Variants in LRRTM3 observed in about 807,000 individuals in gnomAD.
LRRTM3 encodes leucine-rich repeat transmembrane neuronal protein 3.
A neutral mutation model predicts 44.7 loss-of-function variants in LRRTM3; 24 were observed. That is an observed-to-expected ratio of 0.54 (90% confidence interval 0.39 to 0.76). The LOEUF is 0.76. Ranked by LOEUF, LRRTM3 falls within the 30% of genes least tolerant of loss-of-function variation. LRRTM3 has a pLI of 0.00. For synonymous variants in LRRTM3, 277 were observed against 278.7 expected (o/e 0.99, Z 0.06); for missense variants, 587 against 702.2 (o/e 0.84, Z 1.85).
chr10:67,028,838 C>A (rs1450617381), intron 2 of LRRTM3, among the ~76,000 whole-genome samples: 1 of 152,032 alleles, frequency 6.6e-6, no homozygotes, highest in Non-Finnish European at 1.5e-5. Context: ...GATAGGAAAT[C>A]CCTGAGTAGA....
Position 66,927,971 on chromosome 10 carries a change from T to C in LRRTM3, c.1055T>C (p.Ile352Thr), listed in dbSNP as rs536371382. The change falls in exon 2 of 3, where the codon ATC (isoleucine) becomes ACC (threonine). Residue 352 changes from isoleucine (I) to threonine (T), a missense_variant. By Grantham distance (89) the Ile-to-Thr change is moderately conservative. This residue lies in a region of LRRTM3 where 315 missense variants were observed against 335.6 expected (regional missense o/e 0.94). Coordinates refer to ENST00000361320, the MANE Select transcript of LRRTM3 (RefSeq NM_178011.5). This position sits in a 1 kb window ranked among gnomAD's most constrained non-coding sequence, Gnocchi z 4.7. ...AAAGAGCTGCAAGGAGTAAATGTGA[T>C]CGATGCAGTGAAGAACTACAGCATC... ...SPKELQGVNV[I>T]DAVKNYSICG... 2 of 1,614,238 alleles carry C rather than the reference T, an allele frequency of 1.2e-6. No individual in the cohort carries two copies. The highest frequency in any genetic ancestry group is 1.7e-6 in the Non-Finnish European group (2 of 1,180,044).
chr10:67,027,927 A>G (rs955007635), intron 2 of LRRTM3, among the ~76,000 whole-genome samples: 1 of 152,276 alleles, frequency 6.6e-6, no homozygotes, highest in African/African-American at 2.4e-5. Context: ...ATATTTGTAT[A>G]GTACTTTTTT....
At chr10:66,996,671 A>AAAAAAAAAAAAAAAAT (rs1851370396) in intron 2 of LRRTM3, among the ~76,000 whole-genome samples, 1 of 148,252 alleles carries the variant, frequency 6.7e-6, no homozygotes, top group South Asian at 2.1e-4. Flanking sequence ...AAAAAAAAAA[A>AAAAAAAAAAAAAAAAT]GCATGTTTGT....
intron 2 of LRRTM3, among the ~76,000 whole-genome samples, chr10:67,049,441 T>A (rs1334959339): frequency 6.6e-6 from 1 of 152,158 alleles, no homozygotes; most frequent in Non-Finnish European, 1.5e-5. Flanking sequence ...AGTATAATTA[T>A]TCTATAATCT....
intron 1 of LRRTM3, 23 bp downstream of exon 1, chr10:66,926,610 T>C (rs1161365839): frequency 1.2e-6 from 2 of 1,613,624 alleles, no homozygotes; most frequent in Non-Finnish European, 1.7e-6. Flanking sequence ...ATTTTTCTTC[T>C]TTCCTTCTTA....
intron 2 of LRRTM3, among the ~76,000 whole-genome samples, chr10:66,932,579 G>A (rs1847464484): frequency 6.6e-6 from 1 of 152,014 alleles, no homozygotes; most frequent in Non-Finnish European, 1.5e-5. Flanking sequence ...AGAGGCAGTT[G>A]GGGGAAACAA....
At chr10:66,955,345 T>C (rs1317213257) in intron 2 of LRRTM3, among the ~76,000 whole-genome samples, 1 of 152,194 alleles carries the variant, frequency 6.6e-6, no homozygotes, top group East Asian at 1.9e-4. Flanking sequence ...GATTACTCAC[T>C]ATGTACCAAG....
At chr10:67,060,271 T>C (rs1855686509) in intron 2 of LRRTM3, among the ~76,000 whole-genome samples, 1 of 152,096 alleles carries the variant, frequency 6.6e-6, no homozygotes, top group African/African-American at 2.4e-5. Flanking sequence ...TGAGCCGAGA[T>C]TGTGCCACTA....
chr10:66,952,291 A>C (rs1848576001), intron 2 of LRRTM3, among the ~76,000 whole-genome samples: 1 of 152,214 alleles, frequency 6.6e-6, no homozygotes, highest in Non-Finnish European at 1.5e-5. Flanking sequence ...AAAAGTTCTG[A>C]GGCTTTGAAA....
At chr10:67,068,923 G>A (rs1856262279) in intron 2 of LRRTM3, among the ~76,000 whole-genome samples, 1 of 152,064 alleles carries the variant, frequency 6.6e-6, no homozygotes, top group Admixed American at 6.6e-5. Flanking sequence ...AGCTGGGCCT[G>A]GTGGCAGGTA....
intron 2 of LRRTM3, among the ~76,000 whole-genome samples, chr10:66,995,864 A>G (rs1007503524): frequency 1.1e-4 from 17 of 152,202 alleles, no homozygotes; most frequent in Non-Finnish European, 1.8e-4. Context: ...ATACACTTCC[A>G]TCTTTGTTTC....
At chr10:67,065,135 G>A (rs1010234604) in intron 2 of LRRTM3, among the ~76,000 whole-genome samples, 1 of 152,054 alleles carries the variant, frequency 6.6e-6, no homozygotes, top group Admixed American at 6.6e-5. Context: ...AGGCACCATG[G>A]TTCCCTCTGA....
At chr10:67,084,512 A>G (rs1857203541) in intron 2 of LRRTM3, among the ~76,000 whole-genome samples, 1 of 151,900 alleles carries the variant, frequency 6.6e-6, no homozygotes, top group East Asian at 1.9e-4. Flanking sequence ...ACAGCAGAAC[A>G]CCCTCAGCCA....
chr10:66,939,298 T>C (rs1178770445), intron 2 of LRRTM3, among the ~76,000 whole-genome samples: 1 of 152,162 alleles, frequency 6.6e-6, no homozygotes, highest in Non-Finnish European at 1.5e-5. Flanking sequence ...TTGCACTACA[T>C]TTCTTTTTCT....
chr10:66,987,761 T>C (rs1361361899), intron 2 of LRRTM3, among the ~76,000 whole-genome samples: 1 of 152,234 alleles, frequency 6.6e-6, no homozygotes, highest in African/African-American at 2.4e-5. Context: ...ACTTCATTTC[T>C]GTGAATTTAG....
intron 2 of LRRTM3, among the ~76,000 whole-genome samples, chr10:67,043,837 CT>C (rs563288254): frequency 3.3e-5 from 5 of 151,790 alleles, no homozygotes; most frequent in Admixed American, 1.3e-4. Flanking sequence ...GTGAGGACTA[CT>C]TTTTTTTCTG....
intron 2 of LRRTM3, among the ~76,000 whole-genome samples, chr10:66,941,512 CA>C (rs1309932361): frequency 4.6e-5 from 7 of 152,096 alleles, no homozygotes; most frequent in Non-Finnish European, 2.9e-5. Flanking sequence ...TCTTTCCTTT[CA>C]ACTGTATGGA....
At position 66,927,885 on chromosome 10, in the gene LRRTM3, TGTA is replaced by T; in HGVS notation, c.970_972del (p.Val324del). 6.2e-7 allele frequency: 1 copy of T among 1,614,248 alleles called. No homozygotes were observed. Among genetic ancestry groups the T allele is most frequent in the Non-Finnish European group, 8.5e-7 (1 of 1,180,042 alleles). On this transcript the variant is annotated inframe_deletion, in exon 2 of 3. Coordinates refer to ENST00000361320, the MANE Select transcript of LRRTM3 (RefSeq NM_178011.5). The surrounding 1 kb of genome is among the most constrained non-coding windows in gnomAD (Gnocchi z 4.7). Reference sequence around the variant, plus strand: ...AATGCAGCAGAAATATTTGCTCCCTTGTAAACTGGCTGAAAAGTTTTAAAGGTC... The same window carrying T: ...AATGCAGCAGAAATATTTGCTCCCTTAACTGGCTGAAAAGTTTTAAAGGTC...
intron 2 of LRRTM3, among the ~76,000 whole-genome samples, chr10:67,056,471 T>C (rs1166605306): frequency 6.6e-6 from 1 of 152,180 alleles, no homozygotes; most frequent in Admixed American, 6.5e-5. Context: ...TCTCTCAAAT[T>C]GTATAAGCTT....
Sources: allele counts gnomAD v4.1 joint callset (sites outside exome capture counted in the v4.1 genomes callset), GRCh38; gene constraint gnomAD v4.1.1; regional missense constraint gnomAD v4.1.1; non-coding constraint Gnocchi (gnomAD v3.1); transcripts MANE v1.5; gene names NCBI Gene and HGNC (gene_info 2026-07-23, HGNC 2026-07-21).